The following POLA2 variants were observed in gnomAD, a reference collection of about 807,000 sequenced individuals.
The protein encoded by POLA2 is DNA polymerase alpha 2, accessory subunit.
In POLA2, 47 loss-of-function variants were observed where a neutral mutation model predicts 82.8. The ratio of observed to expected loss-of-function variants is 0.57; its 90% CI spans 0.45 to 0.72. The LOEUF is 0.72. Among genes scored for constraint, POLA2 ranks in the 30% least tolerant of loss-of-function variants. The pLI, the probability that POLA2 is intolerant of heterozygous loss-of-function variation, is 0.00. For missense variants in POLA2, 634 were observed against 728.1 expected, an observed-to-expected ratio of 0.87 and a Z score of 1.49; for synonymous variants, 287 against 286.8, an observed-to-expected ratio of 1.00 and a Z score of -0.01.
intron 16 of POLA2, 73 bp downstream of exon 16, chr11:65,295,672 G>A (rs1949802490): frequency 1.4e-6 from 2 of 1,403,650 alleles, no homozygotes; most frequent in Non-Finnish European, 2.0e-6. Flanking sequence ...AAGCATGACT[G>A]TAAGAGCCTT....
At chr11:65,281,794 G>C (rs1044179482) in intron 9 of POLA2, 62 bp downstream of exon 9, 12 of 1,323,536 alleles carry the variant, frequency 9.1e-6, no homozygotes, top group Non-Finnish European at 1.2e-5. Flanking sequence ...TCTGGAAGCT[G>C]TCTGTTCTAG....
intron 1 of POLA2, among the ~76,000 whole-genome samples, chr11:65,265,134 C>CA (rs1283030684): frequency 6.6e-6 from 1 of 151,446 alleles, no homozygotes; most frequent in Non-Finnish European, 1.5e-5. Context: ...GAGGCTGAGA[C>CA]AGGAGAATCG....
intron 16 of POLA2, 81 bp downstream of exon 16, chr11:65,295,680 C>A: frequency 7.4e-7 from 1 of 1,352,126 alleles, no homozygotes; most frequent in Non-Finnish European, 1.1e-6. Context: ...CTGTAAGAGC[C>A]TTCACCAGGC....
At chr11:65,302,860 T>A (rs1394983114), downstream of POLA2, among the ~76,000 whole-genome samples, 1 of 152,048 alleles carries the variant, frequency 6.6e-6, no homozygotes, top group African/African-American at 2.4e-5. Context: ...CCTGAGTAGC[T>A]GGGACCACAG....
In POLA2 at chr11:65,267,588, G is replaced by T. The variant is rs1017329079; in HGVS notation, c.296+20G>T. On this transcript the variant is annotated intron_variant, in intron 3 of 17. Coordinates refer to ENST00000265465, the MANE Select transcript of POLA2 (RefSeq NM_002689.4). ...AGAGCTGTATCCTTTTCTGCTGAAG[G>T]TCTTTGCACCAAGCTACATGTTGTA... is the stretch of plus-strand genomic sequence containing the variant. The T allele has an allele frequency of 3.5e-6, 5 of 1,436,752 alleles. No homozygotes were observed. In the South Asian group the frequency reaches 3.6e-5, roughly 10 times the overall value. 89.0% of individuals were successfully genotyped at this position (1,436,752 alleles called of 1,614,324 possible). A position where few individuals can be genotyped will look rare whatever the true frequency, so the allele number is the denominator to read the frequency against.
chr11:65,276,665 C>T (rs1716570851), intron 5 of POLA2, among the ~76,000 whole-genome samples: 1 of 152,092 alleles, frequency 6.6e-6, no homozygotes, highest in Admixed American at 6.6e-5. Flanking sequence ...GGAGTTTCCA[C>T]ATCAAGATGA....
chr11:65,262,361 A>C lies in POLA2; in HGVS notation c.69A>C (p.Leu23=). The C allele has an allele frequency of 6.2e-7, 1 of 1,613,210 alleles. No individual in the cohort carries two copies. Among genetic ancestry groups the C allele is most frequent in the Non-Finnish European group, 8.5e-7 (1 of 1,179,452 alleles). The change falls in exon 1 of 18, where the codon CTA becomes CTC. Residue 23 remains leucine, a synonymous_variant. Coordinates refer to ENST00000265465, the MANE Select transcript of POLA2 (RefSeq NM_002689.4). The stretch of plus-strand genomic sequence containing the variant: ...TCGGCCTAGACTGCGAGGAGGCTCT[A>C]ATTGAGAAATGTGAGTCCCGCACCC... ...QIFGLDCEEA[L]IEKLVELCVQ...
chr11:65,268,812 A>G, intron 4 of POLA2, 83 bp downstream of exon 4: 1 of 846,284 alleles, frequency 1.2e-6, no homozygotes, highest in East Asian at 2.8e-5. Flanking sequence ...TGAGGGAAAA[A>G]ATCAACCACT....
rs773359977 is a variant in POLA2 at position 65,279,610 on chromosome 11, T to G, written c.728T>G (p.Leu243Trp). 1 of 1,612,616 alleles carries G rather than the reference T, an allele frequency of 6.2e-7. No individual in the cohort carries two copies. Among genetic ancestry groups the G allele is most frequent in the Admixed American group, 1.7e-5 (1 of 59,994 alleles). ...EHYKIEAFTP[L>W]LAPAQEPVTL... ...TACAAGATTGAAGCTTTCACTCCTT[T>G]GCTAGCCCCAGCACAGGTAAGAGTT... The change falls in exon 7 of 18, where the codon TTG becomes TGG. Residue 243 changes from leucine (L) to tryptophan (W), a missense_variant. Coordinates refer to ENST00000265465, the MANE Select transcript of POLA2 (RefSeq NM_002689.4).
In POLA2 at chr11:65,279,638, TC is replaced by T; in HGVS notation, c.744+13del. ...TAGCCCCAGCACAGGTAAGAGTTGT[TC>T]TAATAGTTCTCACTAATTAATATTA... is the stretch of plus-strand genomic sequence containing the variant. On this transcript the variant is annotated intron_variant, in intron 7 of 17. Coordinates refer to ENST00000265465, the MANE Select transcript of POLA2 (RefSeq NM_002689.4). 1 of 1,557,876 alleles carries T rather than the reference TC, an allele frequency of 6.4e-7. No homozygotes were observed. The highest frequency in any genetic ancestry group is 8.8e-7 in the Non-Finnish European group (1 of 1,133,868).
At chr11:65,268,357 A>T (rs503586) in intron 3 of POLA2, among the ~76,000 whole-genome samples, 40,069 of 141,948 alleles carry the variant, frequency 0.28, 6,570 homozygotes, top group African/African-American at 0.46. Flanking sequence ...TATTATTATT[A>T]TTTTTTTTTT....
At chr11:65,302,316 CT>C (rs535457046), downstream of POLA2, among the ~76,000 whole-genome samples, 58 of 152,312 alleles carry the variant, frequency 3.8e-4, no homozygotes, top group African/African-American at 6.5e-4. Flanking sequence ...AGAGGCACCC[CT>C]AGCCCCGCTC....
At position 65,298,064 on chromosome 11, in the gene POLA2, T is replaced by C. The variant is rs566261818; in HGVS notation, c.*795T>C. 3.3e-5 allele frequency: 5 copies of C among 152,612 alleles called. No individual in the cohort carries two copies. Among genetic ancestry groups the C allele is most frequent in the African/African-American group, 1.2e-4 (5 of 41,572 alleles). 9.5% of individuals were successfully genotyped at this position (152,612 alleles called of 1,614,324 possible). A position where few individuals can be genotyped will look rare whatever the true frequency, so the allele number is the denominator to read the frequency against. The stretch of plus-strand genomic sequence containing the variant: ...GGGTTTCTATCCAGCCCCAGTCCTG[T>C]CCAGTGGGTAACTCTCAGCCCCACT... On this transcript the variant is annotated 3_prime_UTR_variant, in exon 18 of 18. Transcript: ENST00000265465.
intron 13 of POLA2, among the ~76,000 whole-genome samples, chr11:65,290,840 G>A (rs1419822901): frequency 1.3e-5 from 2 of 152,254 alleles, no homozygotes; most frequent in Non-Finnish European, 2.9e-5. Context: ...TGTTGTGTAA[G>A]TGATTGTATT....
At chr11:65,280,232 G>C (rs1171277826) in intron 7 of POLA2, among the ~76,000 whole-genome samples, 2 of 152,232 alleles carry the variant, frequency 1.3e-5, no homozygotes, top group Non-Finnish European at 2.9e-5. Context: ...GGAAGTGTTA[G>C]AGGACTTGGA....
At chr11:65,296,449 T>C in intron 17 of POLA2, 1 of 162,056 alleles carries the variant, frequency 6.2e-6, no homozygotes, top group Non-Finnish European at 1.4e-5. Context: ...ACAAGGAATC[T>C]GCCTAGACCA....
In POLA2 at chr11:65,279,527, TGG is replaced by T; in HGVS notation, c.656-9_656-8del. The T allele has an allele frequency of 1.9e-6, 3 of 1,579,608 alleles. No homozygotes were observed. The highest frequency in any genetic ancestry group is 1.8e-5 in the Admixed American group (1 of 56,800). On this transcript the variant is annotated splice_polypyrimidine_tract_variant and intron_variant, in intron 6 of 17. Transcript: ENST00000265465. Reference sequence around the variant, plus strand: ...TAAACATAATACTTTTTTCCACTTCTGGGATTGTAGTTCTGACCTGTAAGATA... The same window carrying T: ...TAAACATAATACTTTTTTCCACTTCTGATTGTAGTTCTGACCTGTAAGATA...
chr11:65,294,058 G>C, intron 13 of POLA2, 95 bp from the exon 14 acceptor site: 1 of 1,026,816 alleles, frequency 9.7e-7, no homozygotes, highest in Non-Finnish European at 1.5e-6. Context: ...GGTGGGCTCT[G>C]CCTCCAGCCT....
intron 11 of POLA2, 28 bp downstream of exon 11, chr11:65,287,868 G>A: frequency 6.2e-7 from 1 of 1,605,466 alleles, no homozygotes; most frequent in Non-Finnish European, 8.5e-7. Context: ...GAAAGCTGAG[G>A]AGTCAGCCTT....
Sources: gnomAD v4.1 joint callset for allele counts (sites outside exome capture counted in the v4.1 genomes callset) on GRCh38, gnomAD v4.1.1 for gene constraint, MANE v1.5 for transcripts, NCBI Gene and HGNC (gene_info 2026-07-23, HGNC 2026-07-21) for gene names.